SOX5: variants seen among roughly 807,000 people sequenced by gnomAD.
SOX5 encodes transcription factor SOX-5.
A neutral mutation model predicts 92.0 loss-of-function variants in SOX5; 9 were observed. That is an observed-to-expected ratio of 0.10 (90% CI 0.06 to 0.17). The LOEUF (loss-of-function observed/expected upper bound fraction) is 0.17, where lower values mean the gene tolerates loss of function less well. Among genes scored for constraint, SOX5 ranks in the 10% least tolerant of loss-of-function variants. The probability of loss-of-function intolerance (pLI) is 1.00; values close to 1 mark genes in which losing one functional copy is unlikely to be tolerated. For missense variants in SOX5, 642 were observed against 944.5 expected, an observed-to-expected ratio of 0.68 and a Z score of 4.20; for synonymous variants, 344 against 336.3, an observed-to-expected ratio of 1.02 and a Z score of -0.25.
intron 3 of SOX5, among the ~76,000 whole-genome samples, chr12:24,271,529 C>CT (rs1271384570): frequency 6.6e-6 from 1 of 151,988 alleles, no homozygotes; most frequent in African/African-American, 2.4e-5. Context: ...GTGTTGTGTG[C>CT]TTTTTTGGCT....
intron 6 of SOX5, among the ~76,000 whole-genome samples, chr12:23,717,840 G>A (rs1004495628): frequency 6.6e-6 from 1 of 152,178 alleles, no homozygotes; most frequent in Non-Finnish European, 1.5e-5. Context: ...AAAGAGAAAA[G>A]TTTTATAACT....
At chr12:23,761,926 AT>A (rs1313250415) in intron 3 of SOX5, among the ~76,000 whole-genome samples, 1 of 152,040 alleles carries the variant, frequency 6.6e-6, no homozygotes, top group Non-Finnish European at 1.5e-5. Context: ...AACCGAATTT[AT>A]TTTTCTTCAA....
At chr12:24,536,614 G>A (rs1215461375) in intron 1 of SOX5, among the ~76,000 whole-genome samples, 1 of 152,140 alleles carries the variant, frequency 6.6e-6, no homozygotes, top group African/African-American at 2.4e-5. Context: ...TGCTCAAAAA[G>A]TTAAACTTCT....
chr12:23,537,793 G>C (rs1003152649), intron 13 of SOX5, among the ~76,000 whole-genome samples: 1 of 152,180 alleles, frequency 6.6e-6, no homozygotes, highest in East Asian at 1.9e-4. Flanking sequence ...TCCGGAATTG[G>C]TGGGTTCTTG....
chr12:24,410,987 T>C (rs541530095), intron 1 of SOX5, among the ~76,000 whole-genome samples: 35 of 152,318 alleles, frequency 2.3e-4, no homozygotes, highest in South Asian at 2.3e-3. Context: ...CAGCATTGTG[T>C]GGCTTGCAGC....
intron 2 of SOX5, among the ~76,000 whole-genome samples, chr12:24,331,722 C>T (rs1445728677): frequency 2.0e-5 from 3 of 151,668 alleles, no homozygotes; most frequent in African/African-American, 4.8e-5. Context: ...GTGGCACGTG[C>T]CTGTAATCCC....
In SOX5 at chr12:23,669,374, G is replaced by A. The variant is rs546862908; in HGVS notation, c.811-3810C>T. ...CAGGGGCAAGAAAAAAACATCATGT[G>A]AGGGAGACACTACCAGCAGCTAGGA... On this transcript the variant is annotated intron_variant, in intron 6 of 14. Coordinates refer to ENST00000451604, the MANE Select transcript of SOX5 (RefSeq NM_006940.6). Among the ~76,000 whole-genome samples, 12 of 152,204 alleles carry A rather than the reference G, an allele frequency of 7.9e-5. No individual in the cohort carries two copies. The South Asian group carries it at 1.5e-3, about 18-fold the overall frequency.
At chr12:24,181,034 T>C (rs553118014) in intron 4 of SOX5, among the ~76,000 whole-genome samples, 1 of 152,196 alleles carries the variant, frequency 6.6e-6, no homozygotes, top group African/African-American at 2.4e-5. Context: ...TCTTATTGCA[T>C]GGTTCTCAAC....
intron 4 of SOX5, among the ~76,000 whole-genome samples, chr12:24,023,782 T>C (rs1954577700): frequency 6.6e-6 from 1 of 152,080 alleles, no homozygotes; most frequent in African/African-American, 2.4e-5. Flanking sequence ...AACTGAGCCA[T>C]GTGCTGCAGG....
At chr12:23,829,122 A>T (rs1292869591) in intron 3 of SOX5, among the ~76,000 whole-genome samples, 1 of 152,104 alleles carries the variant, frequency 6.6e-6, no homozygotes, top group Non-Finnish European at 1.5e-5. Flanking sequence ...CTATTTAAAA[A>T]AAAAAGACCA....
chr12:24,479,593 A>T (rs2137775686), intron 1 of SOX5, among the ~76,000 whole-genome samples: 1 of 152,360 alleles, frequency 6.6e-6, no homozygotes, highest in African/African-American at 2.4e-5. Flanking sequence ...TATAATTTCA[A>T]TAAAAATAAA....
At chr12:23,726,938 C>A (rs2093167303) in intron 6 of SOX5, among the ~76,000 whole-genome samples, 1 of 152,078 alleles carries the variant, frequency 6.6e-6, no homozygotes, top group African/African-American at 2.4e-5. Flanking sequence ...CAACGCTAAC[C>A]AAAGTTTAAA....
chr12:23,694,380 G>A (rs903974403), intron 6 of SOX5, among the ~76,000 whole-genome samples: 5 of 151,924 alleles, frequency 3.3e-5, no homozygotes, highest in African/African-American at 7.3e-5. Context: ...TTATATATAT[G>A]TTAGAACTTG....
intron 1 of SOX5, among the ~76,000 whole-genome samples, chr12:24,381,074 G>A (rs574518217): frequency 6.6e-6 from 1 of 152,200 alleles, no homozygotes; most frequent in East Asian, 1.9e-4. Flanking sequence ...GCCTACGGAG[G>A]GCATGCATTA....
intron 6 of SOX5, among the ~76,000 whole-genome samples, chr12:23,711,522 A>T (rs1291898617): frequency 1.3e-5 from 2 of 152,198 alleles, no homozygotes; most frequent in African/African-American, 2.4e-5. Flanking sequence ...TATTATTAAT[A>T]ACATTTGAGA....
At chr12:24,252,757 A>T (rs1204681113) in intron 3 of SOX5, among the ~76,000 whole-genome samples, 1 of 151,974 alleles carries the variant, frequency 6.6e-6, no homozygotes, top group African/African-American at 2.4e-5. Flanking sequence ...GCCTGTTGTT[A>T]TGAAAGCAAG....
chr12:24,151,171 C>T (rs1055926183), intron 4 of SOX5, among the ~76,000 whole-genome samples: 7 of 151,990 alleles, frequency 4.6e-5, no homozygotes, highest in African/African-American at 9.7e-5. Flanking sequence ...ATAGTCATGA[C>T]GAACTGGGAA....
chr12:24,433,533 G>T (rs535558449), intron 1 of SOX5, among the ~76,000 whole-genome samples: 10 of 152,274 alleles, frequency 6.6e-5, no homozygotes, highest in African/African-American at 2.4e-4. Context: ...AATTAATATT[G>T]AATGCTTTGA....
At chr12:24,218,126 G>A (rs1265593407) in intron 3 of SOX5, among the ~76,000 whole-genome samples, 4 of 152,146 alleles carry the variant, frequency 2.6e-5, no homozygotes, top group Non-Finnish European at 4.4e-5. Context: ...ACTCCTAAGT[G>A]TATACCCAAG....
Sources: allele counts gnomAD v4.1 joint callset (sites outside exome capture counted in the v4.1 genomes callset), GRCh38; gene constraint gnomAD v4.1.1; transcripts MANE v1.5; gene names NCBI Gene and HGNC (gene_info 2026-07-23, HGNC 2026-07-21).